SMARCA2: variants seen among roughly 807,000 people sequenced by gnomAD.
The protein encoded by SMARCA2 is SWI/SNF-related matrix-associated actin-dependent regulator of chromatin subfamily A member 2.
Under a neutral mutation model 199.8 loss-of-function variants are expected in SMARCA2, and 61 were observed. The observed-to-expected ratio is 0.31, with a 90% confidence interval of 0.25 to 0.38. SMARCA2 has a LOEUF of 0.38. Ranked by LOEUF, SMARCA2 falls within the 10% of genes least tolerant of loss-of-function variation. SMARCA2 has a pLI of 1.00. For synonymous variants in SMARCA2, 935 were observed against 732.0 expected, an observed-to-expected ratio of 1.28 and a Z score of -4.48; for missense variants, 1,344 against 2,012.2, an observed-to-expected ratio of 0.67 and a Z score of 6.35.
At chr9:2,047,154 G>T in intron 4 of SMARCA2, 75 bp from the exon 5 acceptor site, 1 of 1,005,560 alleles carries the variant, frequency 9.9e-7, no homozygotes, top group Non-Finnish European at 1.2e-6. Flanking sequence ...GGGCCCCGGG[G>T]GGCGGCGGGC....
rs539968301 is a variant in SMARCA2 at position 2,059,820 on chromosome 9, G to C, written c.1522-996G>C. Among the ~76,000 whole-genome samples the C allele has an allele frequency of 4.3e-3, 659 of 152,192 alleles. 3 individuals are homozygous for C. Among genetic ancestry groups the C allele is most frequent in the African/African-American group, 0.015 (612 of 41,508 alleles). ...CCTGGACAAAAGATCCCAAGTTTTT[G>C]TTTTTGTTTTTGCAATGGAGTTGCC... On this transcript the variant is annotated intron_variant, in intron 8 of 33. Transcript: ENST00000349721.
At position 2,097,516 on chromosome 9, in the gene SMARCA2, C is replaced by T. The variant is rs1008972529; in HGVS notation, c.3078+45C>T. The T allele has an allele frequency of 6.6e-6, 7 of 1,064,034 alleles. No individual in the cohort carries two copies. In the African/African-American group the frequency reaches 1.1e-4, roughly 17 times the overall value. The allele number at this position is 1,064,034 out of a possible 1,614,324, so 65.9% of individuals were successfully genotyped here. A position where few individuals can be genotyped will look rare whatever the true frequency, so the allele number is the denominator to read the frequency against. ...TTTGAGCCTGATTGTGCTAATCATA[C>T]TAATGCTAGTTAAAAAAAAACAAAC... On this transcript the variant is annotated intron_variant, in intron 21 of 33. Transcript: ENST00000349721.
At chr9:2,149,400 A>T (rs1049033130) in intron 27 of SMARCA2, among the ~76,000 whole-genome samples, 1 of 151,292 alleles carries the variant, frequency 6.6e-6, no homozygotes, top group Non-Finnish European at 1.5e-5. Flanking sequence ...GGTGCCCGTA[A>T]TCCAAGCTAC....
chr9:2,149,563 C>G (rs938605784), intron 27 of SMARCA2, among the ~76,000 whole-genome samples: 1 of 151,364 alleles, frequency 6.6e-6, no homozygotes, highest in African/African-American at 2.4e-5. Context: ...ACTATCAAAT[C>G]TTGTAAGATT....
In SMARCA2 at chr9:2,073,643, T is replaced by C. The variant is rs1423549598; in HGVS notation, c.1935+20T>C. ...GAAGAGGTATGTATGTATCTCTGTT[T>C]GGGGTTTATTGGTTTGAAAGTTATC... is the stretch of plus-strand genomic sequence containing the variant. On this transcript the variant is annotated intron_variant, in intron 12 of 33. Coordinates refer to ENST00000349721, the MANE Select transcript of SMARCA2 (RefSeq NM_003070.5). 1 of 1,569,686 alleles carries C rather than the reference T, an allele frequency of 6.4e-7. No homozygotes were observed. The highest frequency in any genetic ancestry group is 8.8e-7 in the Non-Finnish European group (1 of 1,140,834).
At chr9:2,186,525 G>A (rs1009622292) in intron 32 of SMARCA2, among the ~76,000 whole-genome samples, 2 of 152,040 alleles carry the variant, frequency 1.3e-5, no homozygotes, top group Non-Finnish European at 2.9e-5. Context: ...TTGAGACAGG[G>A]TCTCACTCTG....
At chr9:2,155,842 C>T (rs1313390987) in intron 27 of SMARCA2, among the ~76,000 whole-genome samples, 2 of 135,478 alleles carry the variant, frequency 1.5e-5, no homozygotes, top group Non-Finnish European at 3.1e-5. Context: ...CAATTTTCTT[C>T]CCCTTTATGG....
chr9:2,050,230 T>A (rs1389738499), intron 5 of SMARCA2, among the ~76,000 whole-genome samples: 1 of 152,212 alleles, frequency 6.6e-6, no homozygotes, highest in East Asian at 1.9e-4. Flanking sequence ...TTTTCCCACT[T>A]AAATTGGATC....
intron 33 of SMARCA2, chr9:2,192,115 C>G (rs753125152): frequency 6.2e-5 from 10 of 161,302 alleles, no homozygotes; most frequent in Non-Finnish European, 1.2e-4. Context: ...GACTGGGCAG[C>G]AAGGTAGAAG....
At position 2,169,538 on chromosome 9, in the gene SMARCA2, A is replaced by C. The variant is rs1191980393; in HGVS notation, c.4200-881A>C. On this transcript the variant is annotated intron_variant, in intron 28 of 33. Coordinates refer to ENST00000349721, the MANE Select transcript of SMARCA2 (RefSeq NM_003070.5). This position sits in a 1 kb window ranked among gnomAD's most constrained non-coding sequence, Gnocchi z 6.5. ...CCTCTGTTGATTTGTTTATGGGTTT[A>C]TGCTTTTCCCTCTCTGCAACACCCC... is the stretch of plus-strand genomic sequence containing the variant. Among the ~76,000 whole-genome samples, 1 of 152,008 alleles carries C rather than the reference A, an allele frequency of 6.6e-6. No individual in the cohort carries two copies. The highest frequency in any genetic ancestry group is 1.5e-5 in the Non-Finnish European group (1 of 67,980).
intron 4 of SMARCA2, chr9:2,043,855 C>T (rs1272846458): frequency 6.6e-6 from 1 of 152,192 alleles, no homozygotes; most frequent in Non-Finnish European, 1.5e-5. Flanking sequence ...AGAGTTTCTA[C>T]TTTGTTTCTA....
At chr9:2,176,221 A>AT (rs1388222896) in intron 29 of SMARCA2, among the ~76,000 whole-genome samples, 1 of 127,206 alleles carries the variant, frequency 7.9e-6, no homozygotes, top group Non-Finnish European at 1.6e-5. Context: ...CGTAACAAGC[A>AT]TTTTTTTCTT....
chr9:2,047,426 C>A lies in SMARCA2; in HGVS notation c.988C>A (p.Pro330Thr), dbSNP rs761338427. 8 of 1,587,552 alleles carry A rather than the reference C, an allele frequency of 5.0e-6. No homozygotes were observed. In the Admixed American group the frequency reaches 1.3e-4, roughly 25 times the overall value. Residue 330 changes from proline (P) to threonine (T), a missense_variant, in exon 5 of 34, where the codon CCC becomes ACC. Physicochemically the swap from Pro to Thr is conservative, Grantham distance 38. Around this residue, in one of 18 missense-constraint regions of SMARCA2, gnomAD observed 155 missense variants for 260.0 expected, o/e 0.60. Coordinates refer to ENST00000349721, the MANE Select transcript of SMARCA2 (RefSeq NM_003070.5). The part of the protein sequence containing the change: ...QLQQKQSRIS[P>T]IQKPQGLDPV... ...GCAGCAGAAGCAGAGCCGCATCAGCCCCATCCAGAAACCGCAAGGCCTGGA... is the reference window on the plus strand; with the variant it reads ...GCAGCAGAAGCAGAGCCGCATCAGCACCATCCAGAAACCGCAAGGCCTGGA...
chr9:2,157,387 A>G (rs918658122), intron 27 of SMARCA2, among the ~76,000 whole-genome samples: 2 of 152,098 alleles, frequency 1.3e-5, no homozygotes, highest in African/African-American at 4.8e-5. Context: ...TGCATTCTTT[A>G]ACGCTTAGCC....
At chr9:2,108,019 A>G (rs1000727069) in intron 23 of SMARCA2, among the ~76,000 whole-genome samples, 3 of 152,196 alleles carry the variant, frequency 2.0e-5, no homozygotes, top group African/African-American at 7.2e-5. Context: ...GCAGTGGGGA[A>G]AAATGAAATC....
Position 2,181,455 on chromosome 9 carries a change from A to T in SMARCA2, c.4254-116A>T, listed in dbSNP as rs952954906. Reference sequence around the variant, plus strand: ...GATTTTTCCTGACTTAAAAAGCTCCATATCTATATGCGTGGAATATAATTT... The same window carrying T: ...GATTTTTCCTGACTTAAAAAGCTCCTTATCTATATGCGTGGAATATAATTT... On this transcript the variant is annotated intron_variant, in intron 29 of 33. Coordinates refer to ENST00000349721, the MANE Select transcript of SMARCA2 (RefSeq NM_003070.5). 6 of 650,446 alleles carry T rather than the reference A, an allele frequency of 9.2e-6. No homozygotes were observed. In the East Asian group the frequency reaches 1.7e-4, roughly 18 times the overall value. 40.3% of individuals were successfully genotyped at this position (650,446 alleles called of 1,614,324 possible).
chr9:2,151,662 G>A (rs1219060594), intron 27 of SMARCA2, among the ~76,000 whole-genome samples: 6 of 152,138 alleles, frequency 3.9e-5, no homozygotes, highest in Non-Finnish European at 1.5e-5. Flanking sequence ...GAACCCAGGA[G>A]GTGGAGGTTG....
At chr9:2,116,366 C>CT (rs1257773151) in intron 25 of SMARCA2, among the ~76,000 whole-genome samples, 1 of 152,138 alleles carries the variant, frequency 6.6e-6, no homozygotes, top group African/African-American at 2.4e-5. Flanking sequence ...GCAGAGGATA[C>CT]TTTAGGGACA....
At chr9:2,051,103 G>A (rs548719755) in intron 5 of SMARCA2, among the ~76,000 whole-genome samples, 4 of 152,240 alleles carry the variant, frequency 2.6e-5, no homozygotes, top group African/African-American at 9.6e-5. Flanking sequence ...GTCTGGAGAG[G>A]AACATTATTT....
Sources: allele counts gnomAD v4.1 joint callset (sites outside exome capture counted in the v4.1 genomes callset), GRCh38; gene constraint gnomAD v4.1.1; regional missense constraint gnomAD v4.1.1; non-coding constraint Gnocchi (gnomAD v3.1); transcripts MANE v1.5; gene names NCBI Gene and HGNC (gene_info 2026-07-23, HGNC 2026-07-21).